Variants in RASA1 observed in about 807,000 individuals in gnomAD.
RASA1 encodes RAS p21 protein activator 1.
A neutral mutation model predicts 132.2 loss-of-function variants in RASA1; 25 were observed. The ratio of observed to expected loss-of-function variants is 0.19; its 90% CI spans 0.14 to 0.26. The LOEUF (loss-of-function observed/expected upper bound fraction) is 0.26, where lower values mean the gene tolerates loss of function less well. Among genes scored for constraint, RASA1 ranks in the 10% least tolerant of loss-of-function variants. The pLI, the probability that RASA1 is intolerant of heterozygous loss-of-function variation, is 1.00. For missense variants in RASA1, 964 were observed against 1,299.2 expected (o/e 0.74, Z 3.97); for synonymous variants, 477 against 449.9 (o/e 1.06, Z -0.76).
chr5:87,377,996 A>C (rs558829059), intron 17 of RASA1, among the ~76,000 whole-genome samples: 2 of 152,222 alleles, frequency 1.3e-5, no homozygotes, highest in Admixed American at 1.3e-4. Flanking sequence ...ATTAATCTAT[A>C]CTGGGATTTT....
intron 1 of RASA1, among the ~76,000 whole-genome samples, chr5:87,289,858 C>T (rs1186943242): frequency 6.6e-6 from 1 of 152,006 alleles, no homozygotes; most frequent in Non-Finnish European, 1.5e-5. Flanking sequence ...ATCCTCCCTC[C>T]TTGGCCTCCC....
chr5:87,299,092 A>G lies in RASA1; in HGVS notation c.539+30102A>G, dbSNP rs114722535. On this transcript the variant is annotated intron_variant, in intron 1 of 24. Transcript: ENST00000274376. Reference sequence around the variant, plus strand: ...TGCTCAAGGTCATCGCCAAGGTCTGATTTTTCACCCTCAAAAAATTGCAAC... The same window carrying G: ...TGCTCAAGGTCATCGCCAAGGTCTGGTTTTTCACCCTCAAAAAATTGCAAC... 8.7e-3 allele frequency among the ~76,000 whole-genome samples: 1,330 copies of G among 152,254 alleles called. 11 individuals are homozygous for G. Among genetic ancestry groups the G allele is most frequent in the Non-Finnish European group, 0.012 (848 of 68,014 alleles).
intron 1 of RASA1, among the ~76,000 whole-genome samples, chr5:87,272,743 C>G (rs1290460714): frequency 3.3e-5 from 5 of 152,032 alleles, no homozygotes; most frequent in Non-Finnish European, 7.4e-5. Flanking sequence ...CAAATCAAGC[C>G]TACCACGATT....
chr5:87,270,686 A>G (rs1299449981), intron 1 of RASA1, among the ~76,000 whole-genome samples: 7 of 82,664 alleles, frequency 8.5e-5, no homozygotes, highest in African/African-American at 1.1e-4. Context: ...TTTTTTTTGG[A>G]TAAGCTTCTT....
chr5:87,338,536 A>ATATATATTTTTTTTTTTTTTT, intron 5 of RASA1, among the ~76,000 whole-genome samples: 3 of 85,216 alleles, frequency 3.5e-5, no homozygotes, highest in African/African-American at 1.3e-4. Context: ...TATATATAAA[A>ATATATATTTTTTTTTTTTTTT]TTTTTTTTTT....
intron 1 of RASA1, among the ~76,000 whole-genome samples, chr5:87,305,297 A>G (rs1234939812): frequency 6.6e-6 from 1 of 152,214 alleles, no homozygotes; most frequent in Non-Finnish European, 1.5e-5. Flanking sequence ...GTACAAGAAC[A>G]GAGACATACA....
intron 23 of RASA1, 52 bp from the exon 24 acceptor site, chr5:87,389,341 A>T (rs1043797574): frequency 4.5e-6 from 7 of 1,554,984 alleles, no homozygotes; most frequent in Admixed American, 1.7e-5. Flanking sequence ...CAAAAAAAAC[A>T]AAAAAAAAGA....
At chr5:87,372,899 C>G (rs918948468) in intron 13 of RASA1, among the ~76,000 whole-genome samples, 1 of 152,110 alleles carries the variant, frequency 6.6e-6, no homozygotes, top group African/African-American at 2.4e-5. Flanking sequence ...TACTGTTCTA[C>G]TGGGAGTGGA....
intron 1 of RASA1, among the ~76,000 whole-genome samples, chr5:87,278,960 C>T (rs111814135): frequency 3.5e-5 from 4 of 114,974 alleles, no homozygotes; most frequent in African/African-American, 1.3e-4. Flanking sequence ...GAAGATTATG[C>T]GGGCTGGGTG....
rs763027699 is a variant in RASA1, at chr5:87,374,308, A to T, written c.1922A>T (p.Glu641Val). The T allele has an allele frequency of 6.2e-7, 1 of 1,605,808 alleles. No homozygotes were observed. Among genetic ancestry groups the T allele is most frequent in the Admixed American group, 1.7e-5 (1 of 59,784 alleles). Residue 641 changes from glutamate to valine, a missense_variant, in exon 14 of 25, where the codon GAG becomes GTG. Physicochemically the swap from Glu to Val is moderately radical, Grantham distance 121. This residue lies in a region of RASA1 where 346 missense variants were observed against 520.1 expected (regional missense o/e 0.67). Coordinates refer to ENST00000274376, the MANE Select transcript of RASA1 (RefSeq NM_002890.3). ...GGGCAAAACCCAGTATGGTCAGAAG[A>T]GTTTGTCTTTGAGTAAGTCTTATTT... ...REGQNPVWSE[E>V]FVFDDLPPDI...
At position 87,332,497 on chromosome 5, in the gene RASA1, G is replaced by A. The variant is rs1373360108; in HGVS notation, c.693-10G>A. The A allele has an allele frequency of 1.2e-6, 2 of 1,602,890 alleles. No individual in the cohort carries two copies. Among genetic ancestry groups the A allele is most frequent in the African/African-American group, 2.7e-5 (2 of 74,534 alleles). On this transcript the variant is annotated splice_polypyrimidine_tract_variant and intron_variant, in intron 2 of 24. Coordinates refer to ENST00000274376, the MANE Select transcript of RASA1 (RefSeq NM_002890.3). ...ATTTTTTTATACTGTATTTTTTCCT[G>A]TTCAAATAGGATTATTGCTATGTGT...
intron 4 of RASA1, among the ~76,000 whole-genome samples, chr5:87,334,432 ATC>A (rs1757816642): frequency 6.6e-6 from 1 of 152,210 alleles, no homozygotes; most frequent in African/African-American, 2.4e-5. Context: ...TGCTAATCTT[ATC>A]CAGAAACACC....
intron 1 of RASA1, among the ~76,000 whole-genome samples, chr5:87,285,111 A>T (rs895927883): frequency 1.3e-5 from 2 of 151,048 alleles, no homozygotes; most frequent in Non-Finnish European, 2.9e-5. Flanking sequence ...TTCTGTCGCC[A>T]GGCTGTAGTG....
rs1760795598 is a variant in RASA1, at chr5:87,369,786, C to G, written c.1611-27C>G. On this transcript the variant is annotated intron_variant, in intron 11 of 24. Transcript: ENST00000274376. Reference sequence around the variant, plus strand: ...ATTTTGCTACTTTTTATTAAGCTTCCTAATAATTTTTGTTTTTATTTTAAA... The same window carrying G: ...ATTTTGCTACTTTTTATTAAGCTTCGTAATAATTTTTGTTTTTATTTTAAA... 3.3e-6 allele frequency: 5 copies of G among 1,530,838 alleles called. No individual in the cohort carries two copies. In the South Asian group the frequency reaches 4.5e-5, roughly 14 times the overall value. 94.8% of individuals were successfully genotyped at this position (1,530,838 alleles called of 1,614,324 possible). A position where few individuals can be genotyped will look rare whatever the true frequency, so the allele number is the denominator to read the frequency against.
At chr5:87,297,837 T>C (rs1755191041) in intron 1 of RASA1, among the ~76,000 whole-genome samples, 1 of 152,144 alleles carries the variant, frequency 6.6e-6, no homozygotes, top group South Asian at 2.1e-4. Context: ...AGTTTTTAAT[T>C]GTCATTTGTT....
intron 4 of RASA1, 23 bp downstream of exon 4, chr5:87,333,360 G>GT (rs750704647): frequency 2.4e-5 from 39 of 1,610,752 alleles, no homozygotes; most frequent in Non-Finnish European, 3.1e-5. Context: ...CTATTCTCAT[G>GT]TATAGGCATT....
At chr5:87,376,808 A>AT (rs1176395492) in intron 16 of RASA1, 73 bp from the exon 17 acceptor site, 40 of 1,440,284 alleles carry the variant, frequency 2.8e-5, no homozygotes, top group Non-Finnish European at 3.9e-5. Context: ...GAAAGAACAT[A>AT]TTTCTTGTTA....
At chr5:87,283,465 C>G (rs894122954) in intron 1 of RASA1, among the ~76,000 whole-genome samples, 3 of 151,664 alleles carry the variant, frequency 2.0e-5, no homozygotes, top group Non-Finnish European at 4.4e-5. Flanking sequence ...CACTTTTCCC[C>G]TAAATATGAT....
At chr5:87,347,933 A>T (rs1758980749) in intron 7 of RASA1, among the ~76,000 whole-genome samples, 1 of 151,938 alleles carries the variant, frequency 6.6e-6, no homozygotes, top group African/African-American at 2.4e-5. Context: ...AGCTAAACTT[A>T]ATTTCCTTAA....
Sources: allele counts gnomAD v4.1 joint callset (sites outside exome capture counted in the v4.1 genomes callset), GRCh38; gene constraint gnomAD v4.1.1; regional missense constraint gnomAD v4.1.1; transcripts MANE v1.5; gene names NCBI Gene and HGNC (gene_info 2026-07-23, HGNC 2026-07-21).